Variants in ANTXR2 observed in about 807,000 individuals in gnomAD.
The protein encoded by ANTXR2 is ANTXR cell adhesion molecule 2.
In ANTXR2, 44 loss-of-function variants were observed where a neutral mutation model predicts 73.7. The ratio of observed to expected loss-of-function variants is 0.60; its 90% confidence interval spans 0.47 to 0.77. ANTXR2 has a LOEUF of 0.77. Among genes scored for constraint, ANTXR2 ranks in the 30% least tolerant of loss-of-function variants. The pLI, the probability that ANTXR2 is intolerant of heterozygous loss-of-function variation, is 0.00. For missense variants in ANTXR2, 604 were observed against 592.5 expected, an observed-to-expected ratio of 1.02 and a Z score of -0.20; for synonymous variants, 217 against 205.9, an observed-to-expected ratio of 1.05 and a Z score of -0.46.
intron 16 of ANTXR2, among the ~76,000 whole-genome samples, chr4:79,914,071 T>C (rs1385800910): frequency 1.3e-5 from 2 of 152,122 alleles, no homozygotes; most frequent in African/African-American, 2.4e-5. Flanking sequence ...TTTTTGGTTA[T>C]ATGAAGAGCC....
chr4:79,933,089 C>T (rs987699689), intron 16 of ANTXR2, among the ~76,000 whole-genome samples: 7 of 152,070 alleles, frequency 4.6e-5, no homozygotes, highest in African/African-American at 1.2e-4. Flanking sequence ...TGCCTTCCCA[C>T]GGTGAAAAAC....
intron 16 of ANTXR2, among the ~76,000 whole-genome samples, chr4:79,932,792 CAAAAAAA>C (rs57359650): frequency 4.9e-3 from 257 of 52,380 alleles, no homozygotes; most frequent in Middle Eastern, 0.047. Flanking sequence ...AACTCCATCT[CAAAAAAA>C]AAAAAAAAAA....
At chr4:80,011,308 T>TGTCTATC (rs1423810146) in intron 11 of ANTXR2, among the ~76,000 whole-genome samples, 3 of 151,376 alleles carry the variant, frequency 2.0e-5, no homozygotes, top group African/African-American at 7.3e-5. Flanking sequence ...TCTATCTATC[T>TGTCTATC]ATCTATCTGT....
chr4:80,053,837 T>G (rs1180938711), intron 7 of ANTXR2, among the ~76,000 whole-genome samples: 1 of 151,728 alleles, frequency 6.6e-6, no homozygotes, highest in African/African-American at 2.4e-5. Flanking sequence ...GAACAACAAA[T>G]GTAGTCAAAT....
intron 7 of ANTXR2, among the ~76,000 whole-genome samples, chr4:80,043,904 C>T (rs546868436): frequency 2.4e-4 from 36 of 151,832 alleles, no homozygotes; most frequent in African/African-American, 7.5e-4. Context: ...TAATTTGCAT[C>T]GAGTCTATAT....
At chr4:80,009,216 C>A (rs1474704288) in intron 11 of ANTXR2, among the ~76,000 whole-genome samples, 2 of 152,124 alleles carry the variant, frequency 1.3e-5, no homozygotes, top group Non-Finnish European at 2.9e-5. Flanking sequence ...TGTTCTTTCC[C>A]TTCCTAACTA....
chr4:80,024,881 T>C (rs1031262544), intron 10 of ANTXR2: 1 of 270,786 alleles, frequency 3.7e-6, no homozygotes, highest in Admixed American at 5.0e-5. Flanking sequence ...AGGGAAAACC[T>C]TCTGAGACAA....
At chr4:79,931,483 C>G (rs1728055517) in intron 16 of ANTXR2, among the ~76,000 whole-genome samples, 1 of 144,584 alleles carries the variant, frequency 6.9e-6, no homozygotes, top group Non-Finnish European at 1.5e-5. Context: ...CTCTCTCTCT[C>G]TTTCTCCCCA....
chr4:79,986,223 G>T (rs963640970), intron 12 of ANTXR2, among the ~76,000 whole-genome samples: 1 of 152,100 alleles, frequency 6.6e-6, no homozygotes, highest in Non-Finnish European at 1.5e-5. Context: ...AGTGTCAATG[G>T]CTTCAGCTAC....
At chr4:80,047,471 A>G (rs1733571848) in intron 7 of ANTXR2, among the ~76,000 whole-genome samples, 1 of 151,526 alleles carries the variant, frequency 6.6e-6, no homozygotes, top group African/African-American at 2.4e-5. Flanking sequence ...GCACCCTTAC[A>G]CTTCTATGAA....
chr4:80,071,694 G>C (rs756828977), intron 1 of ANTXR2, 40 bp from the exon 2 acceptor site: 1 of 1,499,134 alleles, frequency 6.7e-7, no homozygotes, highest in African/African-American at 1.4e-5. Context: ...AACAAAACAC[G>C]GAACTGAAAA....
intron 16 of ANTXR2, among the ~76,000 whole-genome samples, chr4:79,951,303 G>A (rs1427410079): frequency 6.6e-6 from 1 of 152,128 alleles, no homozygotes; most frequent in Non-Finnish European, 1.5e-5. Flanking sequence ...GACTCTGCTG[G>A]GCGTGGTGGC....
At chr4:79,973,824 T>C (rs778767345) in intron 16 of ANTXR2, among the ~76,000 whole-genome samples, 27 of 152,124 alleles carry the variant, frequency 1.8e-4, no homozygotes, top group Non-Finnish European at 3.4e-4. Context: ...TCTCAAGTTG[T>C]CTAAAAGGTA....
chr4:80,046,125 T>C (rs1415791350), intron 7 of ANTXR2, among the ~76,000 whole-genome samples: 1 of 151,818 alleles, frequency 6.6e-6, no homozygotes, highest in Non-Finnish European at 1.5e-5. Context: ...ATCATACTCA[T>C]TGTCTTTTAG....
chr4:80,022,431 C>A lies in ANTXR2; in HGVS notation c.867-3455G>T, dbSNP rs548469184. On this transcript the variant is annotated intron_variant, in intron 10 of 16. Coordinates refer to ENST00000403729, the MANE Select transcript of ANTXR2 (RefSeq NM_058172.6). Reference sequence around the variant, plus strand: ...TGAAATTATTGGTATGGTACTGGCACCATCATTAAGCTAGAGCCTTTGCCC... The same window carrying A: ...TGAAATTATTGGTATGGTACTGGCAACATCATTAAGCTAGAGCCTTTGCCC... Among the ~76,000 whole-genome samples the A allele has an allele frequency of 2.6e-5, 4 of 152,280 alleles. No homozygotes were observed. In the South Asian group the frequency reaches 8.3e-4, roughly 32 times the overall value.
chr4:80,030,655 C>T (rs943465224), intron 10 of ANTXR2, among the ~76,000 whole-genome samples: 2 of 151,970 alleles, frequency 1.3e-5, no homozygotes, highest in African/African-American at 4.8e-5. Context: ...AAGTGATGTG[C>T]GATAGATATC....
intron 16 of ANTXR2, among the ~76,000 whole-genome samples, chr4:79,917,226 A>G (rs1727388836): frequency 1.3e-5 from 2 of 152,128 alleles, no homozygotes; most frequent in South Asian, 4.1e-4. Context: ...GCAAGAGGGT[A>G]GAGAAATATT....
At chr4:79,976,037 C>A (rs1729614722) in intron 16 of ANTXR2, among the ~76,000 whole-genome samples, 1 of 151,690 alleles carries the variant, frequency 6.6e-6, no homozygotes, top group Non-Finnish European at 1.5e-5. Flanking sequence ...CTCAGCCTCG[C>A]GAGTAGCTGG....
intron 14 of ANTXR2, among the ~76,000 whole-genome samples, chr4:79,982,414 T>C (rs1024327952): frequency 2.6e-5 from 4 of 152,278 alleles, no homozygotes; most frequent in Middle Eastern, 3.4e-3. Flanking sequence ...TGGAATGAGA[T>C]GAAATCAAAT....
Sources: gnomAD v4.1 joint callset for allele counts (sites outside exome capture counted in the v4.1 genomes callset) on GRCh38, gnomAD v4.1.1 for gene constraint, MANE v1.5 for transcripts, NCBI Gene and HGNC (gene_info 2026-07-23, HGNC 2026-07-21) for gene names.